OTOG: variants seen among roughly 807,000 people sequenced by gnomAD.
The protein encoded by OTOG is otogelin.
OTOG carries 296 observed loss-of-function variants against 313.8 expected under a neutral mutation model. The ratio of observed to expected loss-of-function variants is 0.94; its 90% CI spans 0.86 to 1.04. OTOG has a LOEUF of 1.04. Among genes scored for constraint, OTOG ranks in the 50% least tolerant of loss-of-function variants. The pLI, the probability that OTOG is intolerant of heterozygous loss-of-function variation, is 0.00. For synonymous variants in OTOG, 1,533 were observed against 1,554.9 expected, an observed-to-expected ratio of 0.99 and a Z score of 0.33; for missense variants, 3,948 against 3,840.1, an observed-to-expected ratio of 1.03 and a Z score of -0.74.
In OTOG at chr11:17,547,414, C is replaced by A; in HGVS notation, c.42C>A (p.Val14=). The A allele has an allele frequency of 7.0e-7, 1 of 1,419,752 alleles. No individual in the cohort carries two copies. Among genetic ancestry groups the A allele is most frequent in the South Asian group, 1.5e-5 (1 of 65,842 alleles). The allele number at this position is 1,419,752 out of a possible 1,614,324, so 87.9% of individuals were successfully genotyped here. The part of the protein sequence containing the change: ...LASALCWLLC[V]WLPWGEQAAE... ...CTGCGCTCTGCTGGCTGCTTTGTGT[C>A]TGGCTGCCCTGGGGTGAGCAGGCAG... Residue 14 remains valine (V), a synonymous_variant, in exon 1 of 56, where the codon GTC becomes GTA. Transcript: ENST00000399397.
chr11:17,605,918 C>A lies in OTOG; in HGVS notation c.3939C>A (p.Ala1313=). The A allele has an allele frequency of 6.4e-7, 1 of 1,550,574 alleles. No homozygotes were observed. The highest frequency in any genetic ancestry group is 8.7e-7 in the Non-Finnish European group (1 of 1,146,956). The change falls in exon 33 of 56, where the codon GCC becomes GCA. Residue 1313 remains alanine, a synonymous_variant. Transcript: ENST00000399397. ...DRPNFFLHVT[A]NGSLELAKWQ... ...CCAACTTCTTCCTTCACGTCACAGCCAACGGGTCTCTGGAGCTGGCTAAGT... is the reference window on the plus strand; with the variant it reads ...CCAACTTCTTCCTTCACGTCACAGCAAACGGGTCTCTGGAGCTGGCTAAGT...
intron 12 of OTOG, 143 bp from the exon 13 acceptor site, chr11:17,560,566 A>AT: frequency 3.0e-6 from 2 of 656,136 alleles, no homozygotes; most frequent in South Asian, 3.7e-5. Context: ...TGAGCCAAGG[A>AT]TTTATAGAGG....
At chr11:17,579,014 G>T (rs1852604483) in intron 23 of OTOG, among the ~76,000 whole-genome samples, 1 of 152,160 alleles carries the variant, frequency 6.6e-6, no homozygotes, top group Non-Finnish European at 1.5e-5. Flanking sequence ...TCATTCCCAG[G>T]TCCCCAGAAC....
At chr11:17,599,153 G>C (rs145874902) in intron 30 of OTOG, among the ~76,000 whole-genome samples, 81 of 152,312 alleles carry the variant, frequency 5.3e-4, no homozygotes, top group African/African-American at 1.9e-3. Context: ...CTGAGCTCAC[G>C]CTTGCGGGAG....
At position 17,634,189 on chromosome 11, in the gene OTOG, G is replaced by A; in HGVS notation, c.7388G>A (p.Cys2463Tyr). The change falls in exon 44 of 56, where the codon TGC (cysteine) becomes TAC (tyrosine). Residue 2463 changes from cysteine to tyrosine, a missense_variant. Transcript: ENST00000399397. The stretch of plus-strand genomic sequence containing the variant: ...ACCATTGTCCCGGTGGATCTGGGCT[G>A]CCCCAGTCCCCGCCCTGAGAGCTGC... Reference protein sequence around the residue: ...PDTIVPVDLGCPSPRPESCLR... With the variant: ...PDTIVPVDLGYPSPRPESCLR... 1.3e-6 allele frequency: 2 copies of A among 1,550,388 alleles called. No homozygotes were observed. The highest frequency in any genetic ancestry group is 1.7e-6 in the Non-Finnish European group (2 of 1,146,952).
At position 17,560,623 on chromosome 11, in the gene OTOG, G is replaced by A. The variant is rs1177901952; in HGVS notation, c.1343-86G>A. 5 of 917,188 alleles carry A rather than the reference G, an allele frequency of 5.5e-6. No individual in the cohort carries two copies. The East Asian group carries it at 7.9e-5, about 15-fold the overall frequency. 56.8% of individuals were successfully genotyped at this position (917,188 alleles called of 1,614,324 possible). ...AGAGATGAAAGAAGTTAGATAAGGG[G>A]ATCTTTATCAGAGGCCCTGGGGAGC... On this transcript the variant is annotated intron_variant, in intron 12 of 55. Coordinates refer to ENST00000399397, the MANE Select transcript of OTOG (RefSeq NM_001292063.2).
chr11:17,586,529 A>G lies in OTOG; in HGVS notation c.2815A>G (p.Lys939Glu). 6.9e-7 allele frequency: 1 copy of G among 1,453,924 alleles called. No individual in the cohort carries two copies. The highest frequency in any genetic ancestry group is 9.1e-7 in the Non-Finnish European group (1 of 1,098,392). 90.1% of individuals were successfully genotyped at this position (1,453,924 alleles called of 1,614,324 possible). A position where few individuals can be genotyped will look rare whatever the true frequency, so the allele number is the denominator to read the frequency against. The stretch of plus-strand genomic sequence containing the variant: ...GCCAGAGGAGTGCCCCTGCACTTGG[A>G]AGGGGAAGGAGTATTTCCCTGGGGA... Reference protein sequence around the residue: ...FLPEECPCTWKGKEYFPGDQV... With the variant: ...FLPEECPCTWEGKEYFPGDQV... Residue 939 changes from lysine (K) to glutamate (E), a missense_variant, in exon 24 of 56, where the codon AAG (lysine) becomes GAG (glutamate). Physicochemically the swap from Lys to Glu is moderately conservative, Grantham distance 56. Transcript: ENST00000399397.
chr11:17,553,388 G>C lies in OTOG; in HGVS notation c.409G>C (p.Asp137His). The change falls in exon 6 of 56, where the codon GAC becomes CAC. Residue 137 changes from aspartate to histidine, a missense_variant. Asp to His is a moderately conservative substitution (Grantham distance 81). Transcript: ENST00000399397. ...AGTGTACAATGCCGGCCCTGAGAGG[G>C]ACAGCATTTGCCGGGCGTGGGGGCA... is the stretch of plus-strand genomic sequence containing the variant. ...QMVYNAGPER[D>H]SICRAWGQHH... 2 of 1,464,186 alleles carry C rather than the reference G, an allele frequency of 1.4e-6. No individual in the cohort carries two copies. The highest frequency in any genetic ancestry group is 1.4e-5 in the South Asian group (1 of 69,550). The allele number at this position is 1,464,186 out of a possible 1,614,324, so 90.7% of individuals were successfully genotyped here. A position where few individuals can be genotyped will look rare whatever the true frequency, so the allele number is the denominator to read the frequency against.
Position 17,570,461 on chromosome 11 carries a change from C to T in OTOG, c.1955+71C>T. 25 of 1,428,068 alleles carry T rather than the reference C, an allele frequency of 1.8e-5. No individual in the cohort carries two copies. In the South Asian group the frequency reaches 3.0e-4, roughly 17 times the overall value. 88.5% of individuals were successfully genotyped at this position (1,428,068 alleles called of 1,614,324 possible). On this transcript the variant is annotated intron_variant, in intron 17 of 55. Coordinates refer to ENST00000399397, the MANE Select transcript of OTOG (RefSeq NM_001292063.2). Reference sequence around the variant, plus strand: ...CCTTAGGGCTGGGTATCTAGAGGCACTGCCTAAATGTCTCTCCCGTGAGCC... The same window carrying T: ...CCTTAGGGCTGGGTATCTAGAGGCATTGCCTAAATGTCTCTCCCGTGAGCC...
intron 4 of OTOG, 41 bp downstream of exon 4, chr11:17,552,116 G>T (rs1166970817): frequency 6.5e-7 from 1 of 1,536,042 alleles, no homozygotes; most frequent in South Asian, 1.2e-5. Flanking sequence ...TTGTGCATGG[G>T]AGAGCCCTGG....
intron 3 of OTOG, among the ~76,000 whole-genome samples, chr11:17,549,333 A>T (rs1211110344): frequency 6.6e-6 from 1 of 152,202 alleles, no homozygotes; most frequent in African/African-American, 2.4e-5. Flanking sequence ...CGTTTATGAC[A>T]GCAATGAGTC....
chr11:17,628,187 T>C (rs978892677), intron 39 of OTOG, among the ~76,000 whole-genome samples: 8 of 152,180 alleles, frequency 5.3e-5, no homozygotes, highest in African/African-American at 1.4e-4. Context: ...TTTTTTGATA[T>C]AGGCACTGAT....
intron 40 of OTOG, among the ~76,000 whole-genome samples, chr11:17,631,339 C>T (rs1231100421): frequency 1.4e-5 from 2 of 147,620 alleles, no homozygotes; most frequent in Non-Finnish European, 3.0e-5. Flanking sequence ...CCAGATTTGC[C>T]CCATTTGCTT....
In OTOG at chr11:17,610,956, G is replaced by A. The variant is rs1281269323; in HGVS notation, c.5656G>A (p.Gly1886Arg). 2 of 1,550,484 alleles carry A rather than the reference G, an allele frequency of 1.3e-6. No homozygotes were observed. The highest frequency in any genetic ancestry group is 1.7e-6 in the Non-Finnish European group (2 of 1,146,992). ...LLLGATLPTS[G>R]VLPVAEGTAS... ...GCTGGGAGCCACATTGCCAACCTCT[G>A]GAGTCCTGCCTGTGGCTGAGGGCAC... The change falls in exon 36 of 56, where the codon GGA becomes AGA. Residue 1886 changes from glycine to arginine, a missense_variant. By Grantham distance (125) the Gly-to-Arg change is moderately radical. Transcript: ENST00000399397.
chr11:17,596,764 T>G, intron 29 of OTOG, 87 bp from the exon 30 acceptor site: 7 of 1,236,448 alleles, frequency 5.7e-6, no homozygotes, highest in Non-Finnish European at 8.0e-6. Flanking sequence ...GGTCCCTTCA[T>G]GTTGGTGCTG....
At chr11:17,597,827 T>G (rs1853151660) in intron 30 of OTOG, among the ~76,000 whole-genome samples, 1 of 152,224 alleles carries the variant, frequency 6.6e-6, no homozygotes, top group Admixed American at 6.5e-5. Flanking sequence ...GGGGTCAGAC[T>G]GACTGAGTTT....
intron 24 of OTOG, among the ~76,000 whole-genome samples, chr11:17,590,596 TCA>T (rs1443645884): frequency 6.6e-6 from 1 of 152,178 alleles, no homozygotes; most frequent in Non-Finnish European, 1.5e-5. Context: ...GGAACATAAA[TCA>T]CACAGTGTCA....
At chr11:17,601,669 A>G (rs1853255236) in intron 31 of OTOG, among the ~76,000 whole-genome samples, 1 of 152,102 alleles carries the variant, frequency 6.6e-6, no homozygotes, top group Non-Finnish European at 1.5e-5. Context: ...CAGCAGAGGC[A>G]GGAAGATCCT....
In OTOG at chr11:17,594,290, G is replaced by A. The variant is rs1590027427; in HGVS notation, c.3408+124G>A. 3.3e-6 allele frequency: 4 copies of A among 1,214,678 alleles called. No homozygotes were observed. The East Asian group carries it at 7.7e-5, about 23-fold the overall frequency. The allele number at this position is 1,214,678 out of a possible 1,614,324, so 75.2% of individuals were successfully genotyped here. A position where few individuals can be genotyped will look rare whatever the true frequency, so the allele number is the denominator to read the frequency against. ...AGGTTTCTCCTGCAATGTTCTCTCA[G>A]CCTCTGACTGCATCCCTAGCCCTAG... On this transcript the variant is annotated intron_variant, in intron 28 of 55. Coordinates refer to ENST00000399397, the MANE Select transcript of OTOG (RefSeq NM_001292063.2).
Sources: allele counts gnomAD v4.1 joint callset (sites outside exome capture counted in the v4.1 genomes callset), GRCh38; gene constraint gnomAD v4.1.1; transcripts MANE v1.5; gene names NCBI Gene and HGNC (gene_info 2026-07-23, HGNC 2026-07-21).